TASOR2: variants seen among roughly 807,000 people sequenced by gnomAD.
TASOR2 encodes protein TASOR 2.
In TASOR2, 84 loss-of-function variants were observed where a neutral mutation model predicts 199.5. That is an observed-to-expected ratio of 0.42 (90% CI 0.35 to 0.50). The LOEUF is 0.50. TASOR2 is among the 20% of genes least tolerant of loss of function. The pLI, the probability that TASOR2 is intolerant of heterozygous loss-of-function variation, is 0.02. For missense variants in TASOR2, 2,796 were observed against 2,835.9 expected, an observed-to-expected ratio of 0.99 and a Z score of 0.32; for synonymous variants, 1,103 against 1,046.6, an observed-to-expected ratio of 1.05 and a Z score of -1.04.
intron 20 of TASOR2, 105 bp from the exon 22 acceptor site, chr10:5,762,924 A>C: frequency 9.6e-7 from 1 of 1,041,024 alleles, no homozygotes. Flanking sequence ...ACATAATGTA[A>C]CCTTAGAATG....
In TASOR2 at chr10:5,748,554, C is replaced by A. The variant is rs779238076; in HGVS notation, c.5133C>A (p.Gly1711=). Residue 1711 remains glycine, a synonymous_variant, in exon 15 of 21, where the codon GGC becomes GGA. Transcript: ENST00000328090. This position sits in a 1 kb window ranked among gnomAD's most constrained non-coding sequence, Gnocchi z 5.1. ...TACATAAAGAAACCACAGGTCCAGG[C>A]ACTGCTGGCCCTCAGTCCAACACCA... 4 of 1,613,380 alleles carry A rather than the reference C, an allele frequency of 2.5e-6. No homozygotes were observed. In the East Asian group the frequency reaches 6.7e-5, roughly 27 times the overall value.
chr10:5,743,305 C>T (rs923874149), intron 14 of TASOR2, among the ~76,000 whole-genome samples: 10 of 152,132 alleles, frequency 6.6e-5, no homozygotes, highest in Non-Finnish European at 1.3e-4. Flanking sequence ...GGGTGAGCCT[C>T]ATAGAACCCG....
rs1838047769 is a variant in TASOR2 at position 5,751,592 on chromosome 10, T to TA, written c.6606+1565_6606+1566insA. On this transcript the variant is annotated intron_variant, in intron 15 of 20. Coordinates refer to ENST00000328090, the Ensembl canonical transcript of TASOR2. The surrounding 1 kb of genome is among the most constrained non-coding windows in gnomAD (Gnocchi z 5.3). ...CAATTCGCCATAATTCTTCGGGCAC[T>TA]TCTTTACTTTGGGGTGTAACATAAT... is the stretch of plus-strand genomic sequence containing the variant. 6.6e-6 allele frequency among the ~76,000 whole-genome samples: 1 copy of TA among 152,240 alleles called. No individual in the cohort carries two copies. The highest frequency in any genetic ancestry group is 1.5e-5 in the Non-Finnish European group (1 of 68,044).
intron 8 of TASOR2, 88 bp downstream of exon 9, chr10:5,724,621 TTA>T (rs537496237): frequency 0.02 from 3,775 of 187,006 alleles, 55 homozygotes; most frequent in Middle Eastern, 0.045. Context: ...TATATATATA[TTA>T]TATATATATA....
At position 5,750,366 on chromosome 10, in the gene TASOR2, G is replaced by A. The variant is rs1837859378; in HGVS notation, c.6606+339G>A. 6.6e-6 allele frequency among the ~76,000 whole-genome samples: 1 copy of A among 152,222 alleles called. No individual in the cohort carries two copies. The highest frequency in any genetic ancestry group is 2.4e-5 in the African/African-American group (1 of 41,460). ...AAAAGTGGTTGTAGATTGTCCGTTA[G>A]TGTGGGTGGTCAAGTAGGACCTCTT... On this transcript the variant is annotated intron_variant, in intron 15 of 20. Coordinates refer to ENST00000328090, the Ensembl canonical transcript of TASOR2. This position sits in a 1 kb window ranked among gnomAD's most constrained non-coding sequence, Gnocchi z 5.4.
intron 19 of TASOR2, 24 bp from the exon 21 acceptor site, chr10:5,762,508 G>GTTT (rs148906161): frequency 0.1 from 49,379 of 478,588 alleles, 4,756 homozygotes; most frequent in African/African-American, 0.13. Flanking sequence ...TTAACCAAAA[G>GTTT]TTGTTTTTTT....
exon 2 of TASOR2, chr10:5,712,877 C>T (rs112451517): frequency 1.6e-6 from 2 of 1,231,200 alleles, no homozygotes. Flanking sequence ...GGAAGAACTT[C>T]AAGACACTTA....
exon 15 of TASOR2, chr10:5,746,548 G>A (rs1837242686): frequency 6.2e-7 from 1 of 1,614,006 alleles, no homozygotes; most frequent in Admixed American, 1.7e-5. Flanking sequence ...TGATAATATG[G>A]GGTGTGCAGT....
At chr10:5,729,364 A>G (rs1834489317) in intron 10 of TASOR2, among the ~76,000 whole-genome samples, 1 of 151,672 alleles carries the variant, frequency 6.6e-6, no homozygotes, top group South Asian at 2.1e-4. Context: ...ACAAAACAAA[A>G]CAACAAAAAG....
At chr10:5,736,936 T>A (rs1423563114) in intron 12 of TASOR2, among the ~76,000 whole-genome samples, 1 of 152,152 alleles carries the variant, frequency 6.6e-6, no homozygotes, top group African/African-American at 2.4e-5. Context: ...GAGTGAGAAT[T>A]CAGAGAAAGA....
chr10:5,756,883 AG>A (rs1839038938), intron 16 of TASOR2, 145 bp downstream of exon 17: 3 of 755,414 alleles, frequency 4.0e-6, no homozygotes, highest in South Asian at 4.7e-5. Context: ...GGTGTATTAT[AG>A]AATACTGCAA....
At chr10:5,759,408 C>T (rs148365545) in intron 18 of TASOR2, among the ~76,000 whole-genome samples, 51 of 152,260 alleles carry the variant, frequency 3.3e-4, no homozygotes, top group Middle Eastern at 6.8e-3. Flanking sequence ...CTTATAAATA[C>T]GCAAACTTCA....
At position 5,722,555 on chromosome 10, in the gene TASOR2, G is replaced by GA; in HGVS notation, c.147-1115dup. On this transcript the variant is annotated intron_variant, in intron 6 of 20. Coordinates refer to ENST00000328090, the Ensembl canonical transcript of TASOR2. The surrounding 1 kb of genome is among the most constrained non-coding windows in gnomAD (Gnocchi z 4.0). ...TTGCATCTTACTCCCAAAAGGTTCAGAAAAAAATAATGCGTGTGTATAGAG... is the reference window on the plus strand; with the variant it reads ...TTGCATCTTACTCCCAAAAGGTTCAGAAAAAAAATAATGCGTGTGTATAGAG... Among the ~76,000 whole-genome samples, 1 of 152,164 alleles carries GA rather than the reference G, an allele frequency of 6.6e-6. No individual in the cohort carries two copies. Among genetic ancestry groups the GA allele is most frequent in the Non-Finnish European group, 1.5e-5 (1 of 67,984 alleles).
chr10:5,733,887 TATA>T (rs1395592466), intron 11 of TASOR2, among the ~76,000 whole-genome samples: 1 of 152,338 alleles, frequency 6.6e-6, no homozygotes, highest in East Asian at 1.9e-4. Context: ...TACTTATTAA[TATA>T]ATAATTTGGT....
Position 5,713,932 on chromosome 10 carries a change from G to A in TASOR2, c.-192+1014G>A, listed in dbSNP as rs1383667462. On this transcript the variant is annotated intron_variant, in intron 2 of 20. Coordinates refer to ENST00000328090, the Ensembl canonical transcript of TASOR2. ...TATGGATTAGGCCAGATGCAGTTGT[G>A]CCTCATGCCTGTAATCTCAGCATTT... 1.2e-5 allele frequency: 4 copies of A among 345,294 alleles called. No homozygotes were observed. The East Asian group carries it at 1.7e-4, about 15-fold the overall frequency. The allele number at this position is 345,294 out of a possible 1,614,324, so 21.4% of individuals were successfully genotyped here.
chr10:5,749,145 T>G (rs370643235), exon 15 of TASOR2: 2 of 1,613,560 alleles, frequency 1.2e-6, no homozygotes, highest in African/African-American at 2.7e-5. Context: ...AAGAGAAGTG[T>G]GTGCCGCCTT....
chr10:5,748,102 A>T lies in TASOR2; in HGVS notation c.4681A>T (p.Asn1561Tyr), dbSNP rs758589403. 4.3e-6 allele frequency: 7 copies of T among 1,614,112 alleles called. No homozygotes were observed. The Admixed American group carries it at 1.2e-4, about 27-fold the overall frequency. ...GCAGCCAGTTAGTATAGAGAATAGA[A>T]ATTTGGACTTAAAACATCTTGTCTT... Residue 1561 changes from asparagine to tyrosine, a missense_variant, in exon 15 of 21, where the codon AAT becomes TAT. Physicochemically the swap from Asn to Tyr is moderately radical, Grantham distance 143. This residue lies in a region of TASOR2 where 1,941 missense variants were observed against 1,924.9 expected (regional missense o/e 1.01). Transcript: ENST00000328090. This position sits in a 1 kb window ranked among gnomAD's most constrained non-coding sequence, Gnocchi z 5.1.
intron 10 of TASOR2, among the ~76,000 whole-genome samples, chr10:5,727,885 G>T (rs1226803575): frequency 6.6e-6 from 1 of 151,982 alleles, no homozygotes; most frequent in Non-Finnish European, 1.5e-5. Context: ...GCCTAGCAAT[G>T]CCAGGCACCT....
At chr10:5,746,768 C>T in exon 15 of TASOR2, 1 of 1,614,172 alleles carries the variant, frequency 6.2e-7, no homozygotes, top group Non-Finnish European at 8.5e-7. Context: ...CTAGTAGTTG[C>T]AGGACAGAAG....
Sources: allele counts gnomAD v4.1 joint callset (sites outside exome capture counted in the v4.1 genomes callset), GRCh38; gene constraint gnomAD v4.1.1; regional missense constraint gnomAD v4.1.1; non-coding constraint Gnocchi (gnomAD v3.1); transcripts MANE v1.5; gene names NCBI Gene and HGNC (gene_info 2026-07-23, HGNC 2026-07-21).